Variants in MYO16 observed in about 807,000 individuals in gnomAD.
MYO16 encodes unconventional myosin-XVI.
In MYO16, 94 loss-of-function variants were observed where a neutral mutation model predicts 205.3. That is an observed-to-expected ratio of 0.46 (90% confidence interval 0.39 to 0.54). The LOEUF is 0.54. MYO16 is among the 20% of genes least tolerant of loss of function. The pLI, the probability that MYO16 is intolerant of heterozygous loss-of-function variation, is 0.00. For synonymous variants in MYO16, 988 were observed against 954.0 expected (o/e 1.04, Z -0.66); for missense variants, 2,315 against 2,387.5 (o/e 0.97, Z 0.63).
intron 14 of MYO16, 110 bp from the exon 15 acceptor site, chr13:108,897,906 G>C: frequency 4.6e-6 from 4 of 878,104 alleles, no homozygotes; most frequent in Non-Finnish European, 7.3e-6. Flanking sequence ...CTATGAGCAG[G>C]ATAGAAACTT....
rs143801380 is a variant in MYO16 at position 109,007,230 on chromosome 13, T to C, written c.2443-1667T>C. On this transcript the variant is annotated intron_variant, in intron 21 of 34. Transcript: ENST00000457511. ...GGTGAAACCCCATCTCTACTAAAAA[T>C]ACAAAAAATTAGCTGGGTGAGGTGG... Among the ~76,000 whole-genome samples the C allele has an allele frequency of 5.7e-3, 859 of 151,734 alleles. 9 individuals are homozygous for C. The highest frequency in any genetic ancestry group is 0.02 in the African/African-American group (816 of 41,366).
At chr13:108,539,877 C>T in the MYO16 span, among the ~76,000 whole-genome samples, 2 of 151,972 alleles carry the variant, frequency 1.3e-5, no homozygotes, top group East Asian at 3.9e-4. Context: ...ATGCACTTCT[C>T]TTTTCCTTAC....
At chr13:109,160,652 C>G (rs1262397020) in intron 32 of MYO16, among the ~76,000 whole-genome samples, 1 of 152,174 alleles carries the variant, frequency 6.6e-6, no homozygotes. Context: ...GTACAGTATT[C>G]ACTTCCTTAG....
intron 23 of MYO16, among the ~76,000 whole-genome samples, chr13:109,042,910 G>A (rs1277798409): frequency 6.6e-6 from 1 of 152,168 alleles, no homozygotes; most frequent in Non-Finnish European, 1.5e-5. Flanking sequence ...ACTGCCATCA[G>A]CAAATGTTTG....
At chr13:109,022,346 A>AT (rs1886074613) in intron 23 of MYO16, among the ~76,000 whole-genome samples, 1 of 48,624 alleles carries the variant, frequency 2.1e-5, no homozygotes, top group African/African-American at 7.6e-5. Context: ...TATATTATAT[A>AT]CAAATATATA....
At chr13:108,674,849 T>C (rs143781564) in intron 2 of MYO16, among the ~76,000 whole-genome samples, 23 of 152,304 alleles carry the variant, frequency 1.5e-4, no homozygotes, top group African/African-American at 5.1e-4. Context: ...CTTCGGATTG[T>C]AGAGCAAATA....
chr13:109,098,156 TTCTC>T lies in MYO16; in HGVS notation c.3336-2625_3336-2622del, dbSNP rs1419750039. Among the ~76,000 whole-genome samples the T allele has an allele frequency of 2.1e-5, 3 of 143,450 alleles. No individual in the cohort carries two copies. The Admixed American group carries it at 2.1e-4, about 10-fold the overall frequency. 94.1% of individuals were successfully genotyped at this position (143,450 alleles called of 152,430 possible). A position where few individuals can be genotyped will look rare whatever the true frequency, so the allele number is the denominator to read the frequency against. On this transcript the variant is annotated intron_variant, in intron 27 of 34. Transcript: ENST00000457511. ...CTGGTTTGGAGAGAGAACCTTCTTG[TTCTC>T]TCTATGAACTGTGTTCTCACATGGT...
At chr13:108,820,832 A>G (rs1420791741) in intron 8 of MYO16, among the ~76,000 whole-genome samples, 1 of 152,212 alleles carries the variant, frequency 6.6e-6, no homozygotes, top group African/African-American at 2.4e-5. Flanking sequence ...TATTTAAACT[A>G]CAAGAAAAAT....
the MYO16 span, among the ~76,000 whole-genome samples, chr13:108,571,464 T>A: frequency 1.3e-5 from 2 of 152,172 alleles, no homozygotes; most frequent in Non-Finnish European, 2.9e-5. Flanking sequence ...ATCATGAGTA[T>A]TGCAGAGAAT....
chr13:108,602,545 A>G (rs1282841699), intron 1 of MYO16, among the ~76,000 whole-genome samples: 1 of 151,558 alleles, frequency 6.6e-6, no homozygotes, highest in Non-Finnish European at 1.5e-5. Flanking sequence ...TCACTAATAA[A>G]TGAAAACATT....
chr13:108,593,410 C>T (rs1405874789), upstream of MYO16, among the ~76,000 whole-genome samples: 2 of 152,104 alleles, frequency 1.3e-5, no homozygotes, highest in Non-Finnish European at 2.9e-5. Context: ...AGGGAGCTGC[C>T]GGCAGGGGCA....
chr13:108,597,362 G>A (rs912409744), intron 1 of MYO16, among the ~76,000 whole-genome samples: 5 of 152,118 alleles, frequency 3.3e-5, no homozygotes, highest in Non-Finnish European at 5.9e-5. Context: ...AACTATTTAT[G>A]TTAGCTTTGG....
chr13:109,057,043 C>CA (rs1469234987), intron 27 of MYO16, among the ~76,000 whole-genome samples: 2 of 151,978 alleles, frequency 1.3e-5, no homozygotes, highest in Non-Finnish European at 2.9e-5. Context: ...AGCTGTGAAA[C>CA]AAAAACAAAA....
chr13:108,924,244 A>C (rs1226345206), intron 16 of MYO16, among the ~76,000 whole-genome samples: 1 of 152,222 alleles, frequency 6.6e-6, no homozygotes, highest in East Asian at 1.9e-4. Flanking sequence ...TAGTGATGTG[A>C]TGCAGTCATG....
At chr13:109,042,654 GTCAAC>G (rs1463874393) in intron 23 of MYO16, among the ~76,000 whole-genome samples, 3 of 152,150 alleles carry the variant, frequency 2.0e-5, no homozygotes, top group Non-Finnish European at 4.4e-5. Context: ...GTGTTCATCT[GTCAAC>G]TCAAATCCTG....
rs566830967 is a variant in MYO16 at position 108,686,769 on chromosome 13, T to G, written c.292+20620T>G. Among the ~76,000 whole-genome samples the G allele has an allele frequency of 2.0e-5, 3 of 152,302 alleles. No homozygotes were observed. The East Asian group carries it at 5.8e-4, about 29-fold the overall frequency. On this transcript the variant is annotated intron_variant, in intron 2 of 34. Transcript: ENST00000457511. ...TCATGACGAAGAGAAAAGACAACAA[T>G]TTTCCTGGTCGATCTGGATGTTCAG...
At chr13:109,147,968 A>G (rs1877431750) in intron 32 of MYO16, among the ~76,000 whole-genome samples, 1 of 152,126 alleles carries the variant, frequency 6.6e-6, no homozygotes, top group Non-Finnish European at 1.5e-5. Context: ...TTCCTTTGCC[A>G]TGTTAATAGA....
chr13:109,023,628 GACAAATATATAT>G (rs1289318060), intron 23 of MYO16, among the ~76,000 whole-genome samples: 3,825 of 101,906 alleles, frequency 0.038, 91 homozygotes, highest in Non-Finnish European at 0.056. Context: ...CAAATATATA[GACAAATATATAT>G]ACAAATATAT....
chr13:109,190,474 C>A (rs1010393053), intron 34 of MYO16, among the ~76,000 whole-genome samples: 10 of 152,186 alleles, frequency 6.6e-5, no homozygotes, highest in African/African-American at 2.4e-4. Context: ...GCATTAAATG[C>A]ATCTTAATCA....
Sources: gnomAD v4.1 joint callset for allele counts (sites outside exome capture counted in the v4.1 genomes callset) on GRCh38, gnomAD v4.1.1 for gene constraint, MANE v1.5 for transcripts, NCBI Gene and HGNC (gene_info 2026-07-23, HGNC 2026-07-21) for gene names.